STN1: variants seen among roughly 807,000 people sequenced by gnomAD.
The protein encoded by STN1 is CST complex subunit STN1.
A neutral mutation model predicts 45.5 loss-of-function variants in STN1; 29 were observed. That is an observed-to-expected ratio of 0.64 (90% CI 0.47 to 0.87). STN1 has a LOEUF of 0.87. STN1 is among the 40% of genes least tolerant of loss of function. STN1 has a pLI of 0.00. For missense variants in STN1, 376 were observed against 441.4 expected, an observed-to-expected ratio of 0.85 and a Z score of 1.33; for synonymous variants, 148 against 159.0, an observed-to-expected ratio of 0.93 and a Z score of 0.52.
At position 103,897,729 on chromosome 10, in the gene STN1, GAA is replaced by G. The variant is rs768344335; in HGVS notation, c.582-12_582-11del. 47 of 1,613,052 alleles carry G rather than the reference GAA, an allele frequency of 2.9e-5. No individual in the cohort carries two copies. The highest frequency in any genetic ancestry group is 4.0e-5 in the Non-Finnish European group (47 of 1,179,590). Reference sequence around the variant, plus strand: ...CAGGGCGCCTGGATTGCTGCGGAGGGAAAGTTTTAAAGAGCTCTGCAGAAAAC... The same window carrying G: ...CAGGGCGCCTGGATTGCTGCGGAGGGAGTTTTAAAGAGCTCTGCAGAAAAC... On this transcript the variant is annotated splice_polypyrimidine_tract_variant and intron_variant, in intron 6 of 9. Transcript: ENST00000224950.
At chr10:103,896,079 G>A (rs1182543403) in intron 7 of STN1, among the ~76,000 whole-genome samples, 1 of 152,204 alleles carries the variant, frequency 6.6e-6, no homozygotes, top group African/African-American at 2.4e-5. Context: ...ACTGGTGCTT[G>A]TCTCAGGGGA....
chr10:103,917,745 G>A (rs1843343987), intron 1 of STN1, 89 bp from the exon 2 acceptor site: 1 of 752,046 alleles, frequency 1.3e-6, no homozygotes, highest in Non-Finnish European at 2.1e-6. Flanking sequence ...GGGCGTCCAG[G>A]ACTCCAGGAG....
chr10:103,891,987 G>T, intron 8 of STN1, 143 bp downstream of exon 8: 1 of 656,302 alleles, frequency 1.5e-6, no homozygotes, highest in East Asian at 2.9e-5. Flanking sequence ...GATACCTCGG[G>T]GAAGGATAAG....
chr10:103,890,685 C>T (rs1366792845), intron 8 of STN1, among the ~76,000 whole-genome samples: 1 of 152,192 alleles, frequency 6.6e-6, no homozygotes, highest in Non-Finnish European at 1.5e-5. Flanking sequence ...GGGAGGCACT[C>T]GCCCTTATGT....
At chr10:103,900,730 A>ACACTCT (rs369269804) in intron 4 of STN1, among the ~76,000 whole-genome samples, 209 of 146,192 alleles carry the variant, frequency 1.4e-3, no homozygotes, top group East Asian at 0.012. Flanking sequence ...ACACACACAC[A>ACACTCT]CTCTCTCTCT....
At chr10:103,885,012 GA>G (rs1425361478) in intron 9 of STN1, among the ~76,000 whole-genome samples, 5 of 152,108 alleles carry the variant, frequency 3.3e-5, no homozygotes. Flanking sequence ...GAGCTTGGCA[GA>G]CCTGGAGCTG....
chr10:103,890,495 A>G (rs1181435561), intron 8 of STN1, among the ~76,000 whole-genome samples: 1 of 152,214 alleles, frequency 6.6e-6, no homozygotes, highest in East Asian at 1.9e-4. Flanking sequence ...ACCCAGCCCC[A>G]CCACGCCTTG....
At chr10:103,888,982 C>T (rs187689042) in intron 9 of STN1, 90 bp downstream of exon 9, 167 of 889,776 alleles carry the variant, frequency 1.9e-4, no homozygotes, top group Admixed American at 1.5e-3. Flanking sequence ...GGAAAAGTCC[C>T]GGGTCTCCTG....
intron 7 of STN1, among the ~76,000 whole-genome samples, chr10:103,893,450 G>C (rs1589497934): frequency 6.6e-6 from 1 of 152,170 alleles, no homozygotes; most frequent in South Asian, 2.1e-4. Context: ...TTACAGGTGT[G>C]AGCCACCGTG....
At chr10:103,903,635 C>A (rs930881365) in intron 4 of STN1, among the ~76,000 whole-genome samples, 4 of 152,180 alleles carry the variant, frequency 2.6e-5, no homozygotes, top group African/African-American at 9.7e-5. Flanking sequence ...AAGGTGCCAT[C>A]TTGGAGGGGA....
At chr10:103,895,609 G>A (rs1044794111) in intron 7 of STN1, among the ~76,000 whole-genome samples, 8 of 152,186 alleles carry the variant, frequency 5.3e-5, no homozygotes, top group South Asian at 2.1e-4. Flanking sequence ...TTTCTGAAAC[G>A]ATATCCCTCA....
intron 7 of STN1, among the ~76,000 whole-genome samples, chr10:103,894,711 A>AAAC (rs1843160441): frequency 6.8e-6 from 1 of 147,932 alleles, no homozygotes. Flanking sequence ...AAAAAACCAA[A>AAAC]CAAACAAAAA....
intron 7 of STN1, among the ~76,000 whole-genome samples, chr10:103,896,315 CAAAT>C (rs765445426): frequency 1.4e-4 from 21 of 152,054 alleles, no homozygotes; most frequent in Non-Finnish European, 3.1e-4. Context: ...GGCAAGCAAA[CAAAT>C]AAAGACCAGT....
At chr10:103,902,173 C>G (rs1483630027) in intron 4 of STN1, among the ~76,000 whole-genome samples, 1 of 152,166 alleles carries the variant, frequency 6.6e-6, no homozygotes, top group African/African-American at 2.4e-5. Context: ...ACAGAGAACT[C>G]TGTGCATTCA....
chr10:103,898,027 T>C (rs1177566161), intron 6 of STN1, among the ~76,000 whole-genome samples: 1 of 152,174 alleles, frequency 6.6e-6, no homozygotes, highest in African/African-American at 2.4e-5. Flanking sequence ...TATTCATGCT[T>C]GTGTAAGCAC....
Position 103,880,456 on chromosome 10 carries a change from C to T in STN1, c.*2228G>A, listed in dbSNP as rs868257430. Among the ~76,000 whole-genome samples the T allele has an allele frequency of 5.3e-5, 8 of 152,296 alleles. No individual in the cohort carries two copies. The Middle Eastern group carries it at 0.01, about 194-fold the overall frequency. ...GCCTTCAGGCTGATCTTTGCTTGAA[C>T]GTGGGGTTTCATTTGGGACCCTCCC... On this transcript the variant is annotated 3_prime_UTR_variant, in exon 10 of 10. Coordinates refer to ENST00000224950, the MANE Select transcript of STN1 (RefSeq NM_024928.5).
intron 3 of STN1, among the ~76,000 whole-genome samples, chr10:103,909,406 A>G (rs56022572): frequency 0.45 from 17,826 of 39,516 alleles, 4,763 homozygotes; most frequent in East Asian, 0.84. Context: ...ATGTATATAT[A>G]TGTATATATG....
chr10:103,908,106 G>A (rs1282390941), intron 3 of STN1, among the ~76,000 whole-genome samples: 1 of 148,574 alleles, frequency 6.7e-6, no homozygotes, highest in Admixed American at 6.8e-5. Context: ...TCCAGCGTGG[G>A]CCACAGAGCG....
At chr10:103,899,779 T>TGAAAGTGCTTTGGAAACTC in intron 5 of STN1, among the ~76,000 whole-genome samples, 1 of 152,216 alleles carries the variant, frequency 6.6e-6, no homozygotes, top group African/African-American at 2.4e-5. Context: ...ATTCTGAACT[T>TGAAAGTGCTTTGGAAACTC]GAAAGTGCTT....
Sources: allele counts gnomAD v4.1 joint callset (sites outside exome capture counted in the v4.1 genomes callset), GRCh38; gene constraint gnomAD v4.1.1; transcripts MANE v1.5; gene names NCBI Gene and HGNC (gene_info 2026-07-23, HGNC 2026-07-21).